VPS13C: variants seen among roughly 807,000 people sequenced by gnomAD.
The protein encoded by VPS13C is vacuolar protein sorting 13 homolog C, also known as intermembrane lipid transfer protein VPS13C.
VPS13C carries 358 observed loss-of-function variants against 456.8 expected under a neutral mutation model. That is an observed-to-expected ratio of 0.78 (90% CI 0.72 to 0.86). VPS13C has a LOEUF of 0.86. Ranked by LOEUF, VPS13C falls within the 40% of genes least tolerant of loss-of-function variation. The pLI is 0.00. For missense variants in VPS13C, 4,818 were observed against 4,385.4 expected, an observed-to-expected ratio of 1.10 and a Z score of -2.79; for synonymous variants, 1,578 against 1,486.7, an observed-to-expected ratio of 1.06 and a Z score of -1.41.
intron 18 of VPS13C, among the ~76,000 whole-genome samples, chr15:61,989,755 T>C (rs1268768369): frequency 6.6e-6 from 1 of 152,194 alleles, no homozygotes; most frequent in Non-Finnish European, 1.5e-5. Flanking sequence ...TTCATCCCCA[T>C]TTAGAATGGC....
chr15:62,041,732 A>G (rs1310325785), intron 2 of VPS13C, among the ~76,000 whole-genome samples: 2 of 152,120 alleles, frequency 1.3e-5, no homozygotes, highest in Non-Finnish European at 2.9e-5. Flanking sequence ...AGGCAGGAGA[A>G]TCGCCTGAAC....
Position 62,000,587 on chromosome 15 carries a change from C to G in VPS13C, c.1330G>C (p.Ala444Pro), listed in dbSNP as rs371007037. The G allele has an allele frequency of 6.3e-5, 102 of 1,607,650 alleles. No homozygotes were observed. The highest frequency in any genetic ancestry group is 8.4e-5 in the Non-Finnish European group (99 of 1,177,924). ...ACCTCAACTTGTGCTTGTTGCCTTG[C>G]TAAAATTATGTTAAAAACATCTAGA... is the stretch of plus-strand genomic sequence containing the variant. Reference protein sequence around the residue: ...KTLDVFNIILARQQAQVEVIR... With the variant: ...KTLDVFNIILPRQQAQVEVIR... The change falls in exon 16 of 85, where the codon GCA (alanine) becomes CCA (proline). Residue 444 changes from alanine to proline, a missense_variant. Around this residue, in one of 3 missense-constraint regions of VPS13C, gnomAD observed 4,552 missense variants for 4,130.6 expected, o/e 1.10. Transcript: ENST00000644861.
chr15:62,023,590 G>A lies in VPS13C; in HGVS notation c.515-70C>T. The A allele has an allele frequency of 2.5e-6, 3 of 1,222,346 alleles. No homozygotes were observed. In the South Asian group the frequency reaches 4.4e-5, roughly 18 times the overall value. The allele number at this position is 1,222,346 out of a possible 1,614,324, so 75.7% of individuals were successfully genotyped here. ...ATATACCTCAAAATTAATAACCAAA[G>A]GATAGCTAAGGTACTACTCAATGGA... is the stretch of plus-strand genomic sequence containing the variant. On this transcript the variant is annotated intron_variant, in intron 7 of 84. Coordinates refer to ENST00000644861, the MANE Select transcript of VPS13C (RefSeq NM_020821.3).
chr15:61,986,375 A>G (rs2046054541), intron 18 of VPS13C, among the ~76,000 whole-genome samples: 3 of 152,200 alleles, frequency 2.0e-5, no homozygotes, highest in Non-Finnish European at 4.4e-5. Context: ...ACAAAAGCCA[A>G]TTAAGAATTC....
chr15:62,023,942 A>G, intron 6 of VPS13C, 97 bp from the exon 7 acceptor site: 1 of 1,073,922 alleles, frequency 9.3e-7, no homozygotes, highest in Non-Finnish European at 1.3e-6. Context: ...CTAACAGCAA[A>G]TTTTGGCACA....
In VPS13C at chr15:61,954,309, G is replaced by T. The variant is rs1163306579; in HGVS notation, c.4299+112C>A. On this transcript the variant is annotated intron_variant, in intron 38 of 84. Transcript: ENST00000644861. ...AAAACATCACTGCTACATGTGAACAGCCCACATAGATTTTTTTCATCAGTA... is the reference window on the plus strand; with the variant it reads ...AAAACATCACTGCTACATGTGAACATCCCACATAGATTTTTTTCATCAGTA... The T allele has an allele frequency of 7.7e-6, 9 of 1,171,682 alleles. No individual in the cohort carries two copies. The Admixed American group carries it at 1.5e-4, about 20-fold the overall frequency. 72.6% of individuals were successfully genotyped at this position (1,171,682 alleles called of 1,614,324 possible).
chr15:62,050,016 GT>G (rs1166059827), intron 1 of VPS13C, among the ~76,000 whole-genome samples: 1 of 152,134 alleles, frequency 6.6e-6, no homozygotes, highest in African/African-American at 2.4e-5. Flanking sequence ...AGACGATGGG[GT>G]TTTCTAGATA....
At chr15:61,937,710 G>A (rs1321888150) in intron 47 of VPS13C, among the ~76,000 whole-genome samples, 1 of 152,136 alleles carries the variant, frequency 6.6e-6, no homozygotes, top group East Asian at 1.9e-4. Flanking sequence ...TCCTGACCTC[G>A]TGATCCAACC....
chr15:61,907,430 G>A (rs1320660313), intron 65 of VPS13C, 40 bp from the exon 66 acceptor site: 2 of 1,602,786 alleles, frequency 1.2e-6, no homozygotes, highest in East Asian at 2.2e-5. Flanking sequence ...GAATATCTTG[G>A]AGATAAGAAA....
chr15:61,936,093 T>A (rs1432548874), intron 48 of VPS13C, among the ~76,000 whole-genome samples: 2 of 152,180 alleles, frequency 1.3e-5, no homozygotes, highest in South Asian at 4.1e-4. Flanking sequence ...TATTTAAAAA[T>A]GGCTGAATTC....
intron 6 of VPS13C, among the ~76,000 whole-genome samples, chr15:62,025,838 G>C (rs908691017): frequency 6.6e-6 from 1 of 151,834 alleles, no homozygotes; most frequent in Non-Finnish European, 1.5e-5. Context: ...TTTTATTTAT[G>C]TGGGTTATAA....
chr15:62,039,485 A>T (rs1406399414), intron 3 of VPS13C, among the ~76,000 whole-genome samples: 1 of 152,086 alleles, frequency 6.6e-6, no homozygotes, highest in Non-Finnish European at 1.5e-5. Context: ...CAACCAGAAT[A>T]TATAAGGAAC....
Position 61,963,876 on chromosome 15 carries a change from A to C in VPS13C, c.3290T>G (p.Val1097Gly), listed in dbSNP as rs769873766. The change falls in exon 32 of 85, where the codon GTT becomes GGT. Residue 1097 changes from valine (V) to glycine (G), a missense_variant. Physicochemically the swap from Val to Gly is moderately radical, Grantham distance 109 (BLOSUM62 -3). Around this residue, in one of 3 missense-constraint regions of VPS13C, gnomAD observed 4,552 missense variants for 4,130.6 expected, o/e 1.10. Coordinates refer to ENST00000644861, the MANE Select transcript of VPS13C (RefSeq NM_020821.3). ...GGCGATATTGTTCTTTTCGTTGCAA[A>C]CAATGACACAGAAAGCATTCAACTT... ...FAKLNAFCVI[V>G]CNEKNNIAEI... is the part of the protein sequence containing the mutation. 1 of 1,612,440 alleles carries C rather than the reference A, an allele frequency of 6.2e-7. No individual in the cohort carries two copies. The highest frequency in any genetic ancestry group is 1.1e-5 in the South Asian group (1 of 90,912).
chr15:61,890,194 C>T lies in VPS13C; in HGVS notation c.9312G>A (p.Lys3104=). The stretch of plus-strand genomic sequence containing the variant: ...TTATCCCAATATAGGAAACTTCCTG[C>T]TTGCTTTCATTGTTAACCAGTGAAA... ...LGLSLVNNES[K]QEVSYIGITS... The change falls in exon 67 of 85, where the codon AAG becomes AAA. Residue 3104 remains lysine, a synonymous_variant. Coordinates refer to ENST00000644861, the MANE Select transcript of VPS13C (RefSeq NM_020821.3). The T allele has an allele frequency of 1.2e-6, 2 of 1,614,066 alleles. No homozygotes were observed. The highest frequency in any genetic ancestry group is 1.7e-6 in the Non-Finnish European group (2 of 1,179,978).
chr15:61,950,538 A>C (rs1384023887), intron 40 of VPS13C, 121 bp from the exon 41 acceptor site: 3 of 768,084 alleles, frequency 3.9e-6, no homozygotes, highest in Non-Finnish European at 6.1e-6. Flanking sequence ...TATTTCCTAA[A>C]GGCAAAGAAA....
At chr15:62,033,604 A>C (rs1447873054) in intron 4 of VPS13C, 62 bp from the exon 5 acceptor site, 2 of 1,212,554 alleles carry the variant, frequency 1.6e-6, no homozygotes, top group African/African-American at 3.1e-5. Context: ...CAAACGGAAA[A>C]AGTTCAGCCT....
chr15:61,864,157 C>A (rs778548467), intron 81 of VPS13C: 1 of 237,050 alleles, frequency 4.2e-6, no homozygotes, highest in Non-Finnish European at 6.8e-6. Context: ...GTTAAACATG[C>A]GTGGGGAAGT....
chr15:61,873,096 G>C lies in VPS13C; in HGVS notation c.10578+150C>G, dbSNP rs1566960355. 9 of 1,225,860 alleles carry C rather than the reference G, an allele frequency of 7.3e-6. No homozygotes were observed. In the South Asian group the frequency reaches 1.4e-4, roughly 19 times the overall value. 75.9% of individuals were successfully genotyped at this position (1,225,860 alleles called of 1,614,324 possible). On this transcript the variant is annotated intron_variant, in intron 78 of 84. Transcript: ENST00000644861. ...CTGGTGGTGACAATGGGGAAGGGGA[G>C]CAAAAAGGAAACTGGGAAGTCCATC...
intron 1 of VPS13C, among the ~76,000 whole-genome samples, chr15:62,053,557 T>A (rs2048694576): frequency 6.6e-6 from 1 of 152,208 alleles, no homozygotes; most frequent in Admixed American, 6.5e-5. Flanking sequence ...GTACCACTCA[T>A]CCAATGAAGG....
Sources: allele counts gnomAD v4.1 joint callset (sites outside exome capture counted in the v4.1 genomes callset), GRCh38; gene constraint gnomAD v4.1.1; regional missense constraint gnomAD v4.1.1; transcripts MANE v1.5; gene names NCBI Gene and HGNC (gene_info 2026-07-23, HGNC 2026-07-21).